EYA1: variants seen among roughly 807,000 people sequenced by gnomAD.
The protein encoded by EYA1 is EYA transcriptional coactivator and phosphatase 1, also known as protein phosphatase EYA1.
A neutral mutation model predicts 82.0 loss-of-function variants in EYA1; 16 were observed. The observed-to-expected ratio is 0.20, with a 90% CI of 0.13 to 0.30. The LOEUF (loss-of-function observed/expected upper bound fraction) is 0.30. EYA1 is among the 10% of genes least tolerant of loss of function. EYA1 has a pLI of 1.00. For missense variants in EYA1, 633 were observed against 730.7 expected, an observed-to-expected ratio of 0.87 and a Z score of 1.54; for synonymous variants, 261 against 264.4, an observed-to-expected ratio of 0.99 and a Z score of 0.12.
At position 71,199,787 on chromosome 8, in the gene EYA1, TTA is replaced by T. The variant is rs539897729; in HGVS notation, c.1699-369_1699-368del. ...GCTGAAAGTTTAAAAAGCTTGTACTTTATGAGTTTAAGCAGTTTTCCTTAGTT... is the reference window on the plus strand; with the variant it reads ...GCTGAAAGTTTAAAAAGCTTGTACTTTGAGTTTAAGCAGTTTTCCTTAGTT... On this transcript the variant is annotated intron_variant, in intron 17 of 17. Transcript: ENST00000340726. Among the ~76,000 whole-genome samples, 4 of 152,356 alleles carry T rather than the reference TTA, an allele frequency of 2.6e-5. No individual in the cohort carries two copies. The South Asian group carries it at 6.2e-4, about 24-fold the overall frequency.
At chr8:71,248,218 T>G (rs1410221960) in intron 11 of EYA1, among the ~76,000 whole-genome samples, 1 of 152,208 alleles carries the variant, frequency 6.6e-6, no homozygotes, top group Non-Finnish European at 1.5e-5. Context: ...TTTTTATACC[T>G]GCCACTCCAA....
chr8:71,297,556 T>C (rs558313642), intron 9 of EYA1, among the ~76,000 whole-genome samples: 1 of 152,280 alleles, frequency 6.6e-6, no homozygotes. Context: ...ATGATCTTCA[T>C]TTCAAAACTC....
intron 7 of EYA1, among the ~76,000 whole-genome samples, chr8:71,301,558 G>GAGC: frequency 6.6e-6 from 1 of 152,114 alleles, no homozygotes; most frequent in African/African-American, 2.4e-5. Flanking sequence ...TTAAAAGCTT[G>GAGC]AGCCAAGAAT....
intron 7 of EYA1, among the ~76,000 whole-genome samples, chr8:71,309,920 A>G: frequency 6.6e-6 from 1 of 152,218 alleles, no homozygotes; most frequent in East Asian, 1.9e-4. Flanking sequence ...AGGGAGTGAG[A>G]ATTTGTGTTA....
intron 2 of EYA1, among the ~76,000 whole-genome samples, chr8:71,390,514 G>A (rs1829218298): frequency 6.6e-6 from 1 of 151,896 alleles, no homozygotes; most frequent in Admixed American, 6.6e-5. Flanking sequence ...CCTCCCACCT[G>A]GGCCTCCCAA....
chr8:71,384,069 G>C (rs1828852257), intron 2 of EYA1, among the ~76,000 whole-genome samples: 1 of 151,496 alleles, frequency 6.6e-6, no homozygotes, highest in Non-Finnish European at 1.5e-5. Flanking sequence ...ACAATTTTAA[G>C]TGTCTTTCCA....
chr8:71,460,186 G>A (rs1368938997), intron 2 of EYA1, among the ~76,000 whole-genome samples: 1 of 152,186 alleles, frequency 6.6e-6, no homozygotes, highest in Non-Finnish European at 1.5e-5. Context: ...AATAATTTGT[G>A]ATAAAGTTCT....
intron 7 of EYA1, among the ~76,000 whole-genome samples, chr8:71,315,244 A>G (rs1010262273): frequency 2.6e-5 from 4 of 152,256 alleles, no homozygotes; most frequent in African/African-American, 9.6e-5. Context: ...ATTTTAAAAA[A>G]TTATTATTTG....
intron 2 of EYA1, among the ~76,000 whole-genome samples, chr8:71,519,693 C>A (rs1813247583): frequency 1.3e-5 from 2 of 151,342 alleles, no homozygotes; most frequent in Admixed American, 1.3e-4. Context: ...TCCCCTGGGT[C>A]ACTGAAAATT....
intron 2 of EYA1, among the ~76,000 whole-genome samples, chr8:71,396,317 T>C (rs972203113): frequency 6.6e-6 from 1 of 152,198 alleles, no homozygotes; most frequent in African/African-American, 2.4e-5. Context: ...TCTTAGTTAT[T>C]TCTTGTCTTC....
intron 2 of EYA1, among the ~76,000 whole-genome samples, chr8:71,435,180 T>C (rs1351679626): frequency 6.6e-6 from 1 of 152,178 alleles, no homozygotes; most frequent in Admixed American, 6.5e-5. Context: ...TTCTCTGGAC[T>C]CACTCCATTT....
At chr8:71,456,195 T>C (rs1807888993) in intron 2 of EYA1, among the ~76,000 whole-genome samples, 1 of 152,102 alleles carries the variant, frequency 6.6e-6, no homozygotes, top group African/African-American at 2.4e-5. Flanking sequence ...GAATCCAACT[T>C]ACAAGGGATG....
chr8:71,527,015 A>G (rs943758404), intron 2 of EYA1, among the ~76,000 whole-genome samples: 1 of 152,260 alleles, frequency 6.6e-6, no homozygotes, highest in South Asian at 2.1e-4. Context: ...TGTATATGAT[A>G]CTATACATAA....
chr8:71,450,999 A>G (rs1339007460), intron 2 of EYA1, among the ~76,000 whole-genome samples: 1 of 152,262 alleles, frequency 6.6e-6, no homozygotes, highest in Non-Finnish European at 1.5e-5. Flanking sequence ...ATTCATTCAC[A>G]TTAATTATCA....
chr8:71,420,460 C>T (rs534211853), intron 2 of EYA1, among the ~76,000 whole-genome samples: 1 of 152,224 alleles, frequency 6.6e-6, no homozygotes, highest in African/African-American at 2.4e-5. Context: ...TAATATTACA[C>T]AGGAAGCTTT....
At chr8:71,475,611 A>G (rs1182371168) in intron 2 of EYA1, among the ~76,000 whole-genome samples, 1 of 152,200 alleles carries the variant, frequency 6.6e-6, no homozygotes, top group African/African-American at 2.4e-5. Context: ...GACTCAAAAT[A>G]GGCAAAACAG....
At chr8:71,257,445 T>C (rs1814579660) in intron 11 of EYA1, among the ~76,000 whole-genome samples, 1 of 152,228 alleles carries the variant, frequency 6.6e-6, no homozygotes, top group Non-Finnish European at 1.5e-5. Flanking sequence ...TAAAAATATT[T>C]ATTCTGAAAA....
intron 2 of EYA1, among the ~76,000 whole-genome samples, chr8:71,416,134 G>A (rs915614699): frequency 6.6e-6 from 1 of 152,212 alleles, no homozygotes; most frequent in Non-Finnish European, 1.5e-5. Flanking sequence ...AAAGCTCCAG[G>A]CGGATGGTCA....
At chr8:71,421,780 G>A (rs1831162109) in intron 2 of EYA1, among the ~76,000 whole-genome samples, 1 of 152,162 alleles carries the variant, frequency 6.6e-6, no homozygotes, top group African/African-American at 2.4e-5. Flanking sequence ...CATATGGGAT[G>A]TCAAAAAGGT....
Sources: gnomAD v4.1 joint callset for allele counts (sites outside exome capture counted in the v4.1 genomes callset) on GRCh38, gnomAD v4.1.1 for gene constraint, MANE v1.5 for transcripts, NCBI Gene and HGNC (gene_info 2026-07-23, HGNC 2026-07-21) for gene names.